The following SGCZ variants were observed in gnomAD, a reference collection of about 807,000 sequenced individuals.
The protein encoded by SGCZ is zeta-sarcoglycan.
A neutral mutation model predicts 41.3 loss-of-function variants in SGCZ; 40 were observed. That is an observed-to-expected ratio of 0.97 (90% confidence interval 0.75 to 1.26). SGCZ has a LOEUF of 1.26. Among genes scored for constraint, SGCZ ranks in the 50% most tolerant of loss-of-function variants. SGCZ has a pLI of 0.00. For synonymous variants in SGCZ, 206 were observed against 137.5 expected, an observed-to-expected ratio of 1.50 and a Z score of -3.49; for missense variants, 552 against 369.8, an observed-to-expected ratio of 1.49 and a Z score of -4.04.
intron 2 of SGCZ, among the ~76,000 whole-genome samples, chr8:14,508,190 T>C (rs1802364583): frequency 6.6e-6 from 1 of 152,128 alleles, no homozygotes; most frequent in Non-Finnish European, 1.5e-5. Flanking sequence ...ACTTTTCTAT[T>C]CTTCACTGTC....
At chr8:14,859,345 T>C (rs753482736) in intron 1 of SGCZ, among the ~76,000 whole-genome samples, 10 of 152,082 alleles carry the variant, frequency 6.6e-5, no homozygotes, top group Non-Finnish European at 1.3e-4. Flanking sequence ...CACATTAAGG[T>C]ACTAGCAATT....
chr8:14,150,022 A>T (rs1310283861), intron 5 of SGCZ, among the ~76,000 whole-genome samples: 2 of 152,160 alleles, frequency 1.3e-5, no homozygotes, highest in Non-Finnish European at 2.9e-5. Context: ...ACAATAAACA[A>T]ATCAAAATGG....
chr8:14,295,587 T>C (rs1800980492), intron 3 of SGCZ, among the ~76,000 whole-genome samples: 1 of 152,152 alleles, frequency 6.6e-6, no homozygotes. Context: ...GATTCAACCA[T>C]CTGCTGTAAA....
At chr8:15,165,843 G>A (rs12548016) in intron 1 of SGCZ, among the ~76,000 whole-genome samples, 29,977 of 152,098 alleles carry the variant, frequency 0.2, 3,805 homozygotes, top group East Asian at 0.6. Context: ...TGAACATATC[G>A]ACTATATTCA....
intron 1 of SGCZ, among the ~76,000 whole-genome samples, chr8:14,605,864 T>C (rs1395960105): frequency 6.6e-6 from 1 of 152,186 alleles, no homozygotes; most frequent in Non-Finnish European, 1.5e-5. Flanking sequence ...GGGAATGAGA[T>C]GGCTCTTTGT....
At chr8:15,192,882 A>G (rs76780800) in intron 1 of SGCZ, among the ~76,000 whole-genome samples, 2 of 152,054 alleles carry the variant, frequency 1.3e-5, no homozygotes, top group Non-Finnish European at 2.9e-5. Context: ...ATATACAGAG[A>G]AAAAAGGAAC....
intron 1 of SGCZ, among the ~76,000 whole-genome samples, chr8:14,668,081 C>T (rs958888796): frequency 2.0e-5 from 3 of 152,074 alleles, no homozygotes; most frequent in Admixed American, 1.3e-4. Context: ...CTCAGCCTCC[C>T]GAGTGGCTGG....
chr8:14,781,438 A>G (rs1177381449), intron 1 of SGCZ, among the ~76,000 whole-genome samples: 2 of 152,124 alleles, frequency 1.3e-5, no homozygotes, highest in South Asian at 2.1e-4. Flanking sequence ...CATGTTAACC[A>G]GGCTGGTCTC....
intron 5 of SGCZ, among the ~76,000 whole-genome samples, chr8:14,138,017 G>T (rs943684340): frequency 6.6e-6 from 1 of 152,276 alleles, no homozygotes; most frequent in Admixed American, 6.5e-5. Context: ...GAGAGTGGGG[G>T]CCAATATGCA....
At chr8:15,163,089 C>T (rs970259849) in intron 1 of SGCZ, among the ~76,000 whole-genome samples, 2 of 152,308 alleles carry the variant, frequency 1.3e-5, no homozygotes, top group African/African-American at 4.8e-5. Flanking sequence ...AAGAACTGGA[C>T]GCCTTTGTTA....
At chr8:14,603,416 T>C (rs7005072) in intron 1 of SGCZ, among the ~76,000 whole-genome samples, 30,773 of 152,066 alleles carry the variant, frequency 0.2, 4,025 homozygotes, top group Non-Finnish European at 0.3. Flanking sequence ...GTTATCTATA[T>C]AAAGATTTTC....
intron 1 of SGCZ, among the ~76,000 whole-genome samples, chr8:14,607,044 C>T (rs968675179): frequency 2.6e-5 from 4 of 152,124 alleles, no homozygotes; most frequent in Non-Finnish European, 4.4e-5. Context: ...AATCACTGAT[C>T]CGACAGCTCT....
intron 1 of SGCZ, among the ~76,000 whole-genome samples, chr8:14,859,233 T>C (rs1047478626): frequency 2.0e-5 from 3 of 152,068 alleles, no homozygotes; most frequent in Non-Finnish European, 2.9e-5. Flanking sequence ...ATAAAAGCAG[T>C]CTTTATCACT....
intron 2 of SGCZ, among the ~76,000 whole-genome samples, chr8:14,439,338 T>C (rs150004157): frequency 0.017 from 2,613 of 149,384 alleles, 31 homozygotes; most frequent in Non-Finnish European, 0.028. Flanking sequence ...TATCTCCTCA[T>C]GGATTTTCTG....
intron 2 of SGCZ, among the ~76,000 whole-genome samples, chr8:14,479,941 C>T (rs1392441776): frequency 6.6e-6 from 1 of 151,954 alleles, no homozygotes; most frequent in African/African-American, 2.4e-5. Context: ...GATAGAGTTT[C>T]ACCATGTTGG....
rs1292705372 is a variant in SGCZ at position 14,554,737 on chromosome 8, T to C, written c.229A>G (p.Thr77Ala). 1 of 1,612,144 alleles carries C rather than the reference T, an allele frequency of 6.2e-7. No individual in the cohort carries two copies. The highest frequency in any genetic ancestry group is 1.1e-5 in the South Asian group (1 of 90,958). ...AAAATCATAGTGGTACTTACCACAG[T>C]GAAATTCATAACTTTCAATATCCAT... ...TIWILKVMNF[T>A]VDGMGNLRVT... is the part of the protein sequence containing the mutation. Residue 77 changes from threonine (T) to alanine (A), a missense_variant, in exon 2 of 8, where the codon ACT (threonine) becomes GCT (alanine). Coordinates refer to ENST00000382080, the MANE Select transcript of SGCZ (RefSeq NM_139167.4).
At chr8:14,282,847 C>CTTTTTG (rs1800492162) in intron 3 of SGCZ, among the ~76,000 whole-genome samples, 1 of 89,930 alleles carries the variant, frequency 1.1e-5, no homozygotes, top group African/African-American at 4.6e-5. Flanking sequence ...CTTTCAAATA[C>CTTTTTG]TTTTTTTTTT....
rs1250601297 is a variant in SGCZ, at chr8:14,901,840, C to A, written c.39+335745G>T. On this transcript the variant is annotated intron_variant, in intron 1 of 7. Coordinates refer to ENST00000382080, the MANE Select transcript of SGCZ (RefSeq NM_139167.4). Reference sequence around the variant, plus strand: ...GAAATGTCACGCTAATGTAAACCAACTGTACAAGAAAACAGAATATCCTAC... The same window carrying A: ...GAAATGTCACGCTAATGTAAACCAAATGTACAAGAAAACAGAATATCCTAC... 4.6e-5 allele frequency among the ~76,000 whole-genome samples: 7 copies of A among 152,080 alleles called. No individual in the cohort carries two copies. The East Asian group carries it at 1.4e-3, about 29-fold the overall frequency.
chr8:14,342,685 T>C (rs1223162719), intron 2 of SGCZ, among the ~76,000 whole-genome samples: 1 of 152,048 alleles, frequency 6.6e-6, no homozygotes, highest in Non-Finnish European at 1.5e-5. Context: ...CATTCAGTTT[T>C]AGTCGGGAAG....
Sources: gnomAD v4.1 joint callset for allele counts (sites outside exome capture counted in the v4.1 genomes callset) on GRCh38, gnomAD v4.1.1 for gene constraint, MANE v1.5 for transcripts, NCBI Gene and HGNC (gene_info 2026-07-23, HGNC 2026-07-21) for gene names.